PER2: variants seen among roughly 807,000 people sequenced by gnomAD.
The protein encoded by PER2 is period circadian protein homolog 2.
Under a neutral mutation model 121.0 loss-of-function variants are expected in PER2, and 66 were observed. The ratio of observed to expected loss-of-function variants is 0.55; its 90% CI spans 0.45 to 0.67. PER2 has a LOEUF of 0.67. Among genes scored for constraint, PER2 ranks in the 30% least tolerant of loss-of-function variants. The pLI, the probability that PER2 is intolerant of heterozygous loss-of-function variation, is 0.00. For synonymous variants in PER2, 684 were observed against 659.9 expected, an observed-to-expected ratio of 1.04 and a Z score of -0.56; for missense variants, 1,521 against 1,635.0, an observed-to-expected ratio of 0.93 and a Z score of 1.20.
At chr2:238,259,943 G>A (rs771005712) in intron 14 of PER2, 26 bp downstream of exon 14, 1 of 1,071,238 alleles carries the variant, frequency 9.3e-7, no homozygotes, top group South Asian at 1.3e-5. Flanking sequence ...TTTCAGTAAG[G>A]AAATGTTGAA....
At chr2:238,297,961 C>A in the PER2 span, among the ~76,000 whole-genome samples, 1 of 152,022 alleles carries the variant, frequency 6.6e-6, no homozygotes, top group Non-Finnish European at 1.5e-5. Context: ...GGATGCCTCA[C>A]CTTGCCTTTT....
At chr2:238,283,052 G>A (rs1696677321) in intron 1 of PER2, among the ~76,000 whole-genome samples, 1 of 151,872 alleles carries the variant, frequency 6.6e-6, no homozygotes, top group Non-Finnish European at 1.5e-5. Flanking sequence ...ACACCACTGT[G>A]GGGGCCCTTG....
Position 238,277,198 on chromosome 2 carries a change from G to A in PER2, c.231-5C>T. The A allele has an allele frequency of 6.2e-7, 1 of 1,608,068 alleles. No individual in the cohort carries two copies. The highest frequency in any genetic ancestry group is 8.5e-7 in the Non-Finnish European group (1 of 1,174,498). ...ATCAGGCTAAAGGTATCTGGACTAT[G>A]AAAACAAAAAATAAAAGCAAAATTT... On this transcript the variant is annotated splice_polypyrimidine_tract_variant and splice_region_variant and intron_variant, in intron 2 of 22. Coordinates refer to ENST00000254657, the MANE Select transcript of PER2 (RefSeq NM_022817.3).
rs987209012 is a variant in PER2 at position 238,288,429 on chromosome 2, C to A, written c.-100G>T. 1 of 152,292 alleles carries A rather than the reference C, an allele frequency of 6.6e-6. No individual in the cohort carries two copies. Among genetic ancestry groups the A allele is most frequent in the Non-Finnish European group, 1.5e-5 (1 of 68,094 alleles). 9.4% of individuals were successfully genotyped at this position (152,292 alleles called of 1,614,324 possible). A position where few individuals can be genotyped will look rare whatever the true frequency, so the allele number is the denominator to read the frequency against. On this transcript the variant is annotated 5_prime_UTR_variant, in exon 1 of 23. Coordinates refer to ENST00000254657, the MANE Select transcript of PER2 (RefSeq NM_022817.3). ...GGTGTCACCGCAGTTCAAACGAGCGCACCCTGCGCGCGGCTCGACCACTCT... is the reference window on the plus strand; with the variant it reads ...GGTGTCACCGCAGTTCAAACGAGCGAACCCTGCGCGCGGCTCGACCACTCT...
chr2:238,258,600 T>G lies in PER2; in HGVS notation c.1672A>C (p.Met558Leu). ...PPAEKKAVPA[M>L]EKDSLGVSFP... ...CTGACCCCCAGGCTGTCCTTTTCCATGGCAGGGACAGCTTTCTTCTCAGCT... is the reference window on the plus strand; with the variant it reads ...CTGACCCCCAGGCTGTCCTTTTCCAGGGCAGGGACAGCTTTCTTCTCAGCT... Residue 558 changes from methionine to leucine, a missense_variant, in exon 15 of 23, where the codon ATG becomes CTG. Coordinates refer to ENST00000254657, the MANE Select transcript of PER2 (RefSeq NM_022817.3). 6.2e-7 allele frequency: 1 copy of G among 1,614,136 alleles called. No homozygotes were observed. The highest frequency in any genetic ancestry group is 8.5e-7 in the Non-Finnish European group (1 of 1,179,978).
the PER2 span, chr2:238,295,876 C>T: frequency 4.9e-6 from 1 of 204,318 alleles, no homozygotes. Context: ...AAACGGGCTC[C>T]CTCTGGCCCT....
At chr2:238,299,962 A>G in the PER2 span, 1 of 152,232 alleles carries the variant, frequency 6.6e-6, no homozygotes. Context: ...TTGCAAAGCT[A>G]ATGTGTGCCA....
intron 21 of PER2, among the ~76,000 whole-genome samples, chr2:238,249,595 C>T (rs1242153023): frequency 6.6e-6 from 1 of 152,288 alleles, no homozygotes; most frequent in East Asian, 1.9e-4. Flanking sequence ...ATGGAGCCCC[C>T]ATATCCACTA....
chr2:238,266,053 GCCA>G (rs1235236983), intron 8 of PER2, among the ~76,000 whole-genome samples: 1 of 152,008 alleles, frequency 6.6e-6, no homozygotes, highest in African/African-American at 2.4e-5. Flanking sequence ...ACAGGCGTGT[GCCA>G]CCACGCCCAG....
intron 5 of PER2, among the ~76,000 whole-genome samples, chr2:238,272,676 C>T (rs1375664701): frequency 1.3e-5 from 2 of 152,236 alleles, no homozygotes; most frequent in East Asian, 1.9e-4. Flanking sequence ...CTTAAGAATG[C>T]ACGGGCTTTG....
rs554309760 is a variant in PER2, at chr2:238,263,160, ACCCCACCCCCTC to A, written c.1047-114_1047-103del. 21 of 734,294 alleles carry A rather than the reference ACCCCACCCCCTC, an allele frequency of 2.9e-5. No homozygotes were observed. In the East Asian group the frequency reaches 4.0e-4, roughly 14 times the overall value. 45.5% of individuals were successfully genotyped at this position (734,294 alleles called of 1,614,324 possible). A position where few individuals can be genotyped will look rare whatever the true frequency, so the allele number is the denominator to read the frequency against. On this transcript the variant is annotated intron_variant, in intron 9 of 22. Transcript: ENST00000254657. ...CCTGGAAAGAGAAGATACACTCCAA[ACCCCACCCCCTC>A]CCCCACCCCCGGAGATCAAAAGTTG...
Position 238,248,847 on chromosome 2 carries a change from G to A in PER2, c.3618+215C>T, listed in dbSNP as rs544667794. ...ATTTTTTGTATTTTTAGTAGAGACGGGGTTTCACCGTGTTTGCCAGGATGG... is the reference window on the plus strand; with the variant it reads ...ATTTTTTGTATTTTTAGTAGAGACGAGGTTTCACCGTGTTTGCCAGGATGG... On this transcript the variant is annotated intron_variant, in intron 22 of 22. Transcript: ENST00000254657. 5.0e-5 allele frequency: 28 copies of A among 563,584 alleles called. No homozygotes were observed. In the African/African-American group the frequency reaches 5.3e-4, roughly 11 times the overall value. The allele number at this position is 563,584 out of a possible 1,614,324, so 34.9% of individuals were successfully genotyped here.
At chr2:238,260,191 T>G (rs746838744) in intron 13 of PER2, 138 bp from the exon 14 acceptor site, 28 of 625,044 alleles carry the variant, frequency 4.5e-5, no homozygotes, top group Non-Finnish European at 7.8e-5. Context: ...CTGACAGGTG[T>G]AGAGCTAGAT....
intron 8 of PER2, 125 bp from the exon 9 acceptor site, chr2:238,265,715 C>G: frequency 1.4e-6 from 1 of 693,276 alleles, no homozygotes; most frequent in Non-Finnish European, 2.6e-6. Context: ...AAAATTAAAA[C>G]ATGGACTCTG....
At chr2:238,259,784 G>A (rs57709759) in intron 14 of PER2, among the ~76,000 whole-genome samples, 185 bp downstream of exon 14, 3,776 of 152,292 alleles carry the variant, frequency 0.025, 186 homozygotes, top group African/African-American at 0.087. Context: ...TGCACTGGCT[G>A]AGTGCAGGAC....
intron 15 of PER2, 29 bp downstream of exon 15, chr2:238,258,468 T>C (rs750872189): frequency 6.2e-6 from 10 of 1,614,080 alleles, no homozygotes; most frequent in Non-Finnish European, 8.5e-6. Context: ...TGTGAGATGG[T>C]GGAGACTCGG....
At chr2:238,257,921 G>A (rs1173957804) in intron 16 of PER2, among the ~76,000 whole-genome samples, 5 of 152,392 alleles carry the variant, frequency 3.3e-5, no homozygotes, top group Admixed American at 2.0e-4. Context: ...GCCTGCCCTA[G>A]ACTGACAACT....
upstream of PER2, among the ~76,000 whole-genome samples, chr2:238,291,702 G>A (rs943765860): frequency 4.6e-5 from 7 of 152,162 alleles, no homozygotes; most frequent in Non-Finnish European, 7.3e-5. Flanking sequence ...TGAACCCAGC[G>A]CTGACCTACG....
At chr2:238,293,238 GA>G (rs1446158252), upstream of PER2, among the ~76,000 whole-genome samples, 7 of 151,874 alleles carry the variant, frequency 4.6e-5, 1 homozygote, top group Non-Finnish European at 1.0e-4. Context: ...TGTATCCTAA[GA>G]CAAAAAATAT....
Sources: gnomAD v4.1 joint callset for allele counts (sites outside exome capture counted in the v4.1 genomes callset) on GRCh38, gnomAD v4.1.1 for gene constraint, MANE v1.5 for transcripts, NCBI Gene and HGNC (gene_info 2026-07-23, HGNC 2026-07-21) for gene names.